Variants in LMNB1 observed in about 807,000 individuals in gnomAD.
LMNB1 encodes lamin B1, also known as lamin-B1.
LMNB1 carries 23 observed loss-of-function variants against 67.1 expected under a neutral mutation model. The ratio of observed to expected loss-of-function variants is 0.34; its 90% confidence interval spans 0.25 to 0.49. The LOEUF (loss-of-function observed/expected upper bound fraction) is 0.49. Among genes scored for constraint, LMNB1 ranks in the 20% least tolerant of loss-of-function variants. The pLI is 0.99. For synonymous variants in LMNB1, 281 were observed against 282.9 expected (o/e 0.99, Z 0.07); for missense variants, 634 against 746.5 (o/e 0.85, Z 1.76).
intron 3 of LMNB1, among the ~76,000 whole-genome samples, chr5:126,807,446 A>G (rs776410523): frequency 1.3e-5 from 2 of 152,248 alleles, no homozygotes; most frequent in Non-Finnish European, 2.9e-5. Context: ...GACCTTGGAC[A>G]ACTCTTAGTG....
rs1265880552 is a variant in LMNB1, at chr5:126,822,818, T to C, written c.1424T>C (p.Ile475Thr). ...PMGGWEMIRK[I>T]GDTSVSYKYT... ...GGAGGCTGGGAGATGATCAGAAAAATTGGAGACACATCAGTCAGTTATAAA... is the reference window on the plus strand; with the variant it reads ...GGAGGCTGGGAGATGATCAGAAAAACTGGAGACACATCAGTCAGTTATAAA... Residue 475 changes from isoleucine (I) to threonine (T), a missense_variant, in exon 8 of 11, where the codon ATT becomes ACT. Coordinates refer to ENST00000261366, the MANE Select transcript of LMNB1 (RefSeq NM_005573.4). The C allele has an allele frequency of 1.2e-6, 2 of 1,613,230 alleles. No homozygotes were observed. The highest frequency in any genetic ancestry group is 1.7e-6 in the Non-Finnish European group (2 of 1,179,266).
chr5:126,795,933 C>CTTTTTTTTTTTTTTTTT lies in LMNB1; in HGVS notation c.360-8827_360-8826insTTTTTTTTTTTTTTTTT, dbSNP rs70997314. ...GAGCCACTGCGCCTGGCCCAGGATG[C>CTTTTTTTTTTTTTTTTT]TTTTTTTTTTTTTTTTGAGACGGAG... On this transcript the variant is annotated intron_variant, in intron 1 of 10. Coordinates refer to ENST00000261366, the MANE Select transcript of LMNB1 (RefSeq NM_005573.4). 4.9e-4 allele frequency among the ~76,000 whole-genome samples: 40 copies of CTTTTTTTTTTTTTTTTT among 82,088 alleles called. 5 individuals are homozygous for CTTTTTTTTTTTTTTTTT. Among genetic ancestry groups the CTTTTTTTTTTTTTTTTT allele is most frequent in the African/African-American group, 1.7e-3 (38 of 22,162 alleles). 53.9% of individuals were successfully genotyped at this position (82,088 alleles called of 152,430 possible).
chr5:126,779,724 C>A (rs1750574175), intron 1 of LMNB1, among the ~76,000 whole-genome samples: 1 of 151,856 alleles, frequency 6.6e-6, no homozygotes, highest in Non-Finnish European at 1.5e-5. Context: ...ATGGTGAAAC[C>A]CCGTCTCTAC....
chr5:126,796,786 CTTTTTTTTT>C (rs34534973), intron 1 of LMNB1, among the ~76,000 whole-genome samples: 7 of 118,748 alleles, frequency 5.9e-5, no homozygotes, highest in Admixed American at 9.1e-5. Flanking sequence ...TTTTTTCTTT[CTTTTTTTTT>C]TTTTTTTTTT....
At chr5:126,777,094 G>C (rs1473179544), upstream of LMNB1, 5 of 156,806 alleles carry the variant, frequency 3.2e-5, no homozygotes, top group East Asian at 1.9e-4. Flanking sequence ...CCCGCGGCTT[G>C]CCTCCAGCCC....
intron 1 of LMNB1, among the ~76,000 whole-genome samples, chr5:126,798,523 C>T (rs1423998689): frequency 6.6e-6 from 1 of 152,084 alleles, no homozygotes; most frequent in East Asian, 1.9e-4. Flanking sequence ...ATGGGTGTAA[C>T]CTTAAGAATT....
intron 1 of LMNB1, among the ~76,000 whole-genome samples, chr5:126,801,784 C>T (rs1261562272): frequency 2.6e-5 from 4 of 152,198 alleles, no homozygotes; most frequent in Admixed American, 2.0e-4. Context: ...ATTCTCCTGC[C>T]ATGAGGCAGG....
chr5:126,794,563 C>A (rs562867968), intron 1 of LMNB1, among the ~76,000 whole-genome samples: 1 of 152,186 alleles, frequency 6.6e-6, no homozygotes, highest in South Asian at 2.1e-4. Flanking sequence ...GTGAAGAGAT[C>A]CCCAGACACG....
Position 126,777,751 on chromosome 5 carries a change from C to T in LMNB1, c.243C>T (p.Leu81=). The change falls in exon 1 of 11, where the codon CTC becomes CTT. Residue 81 remains leucine (L), a synonymous_variant. Coordinates refer to ENST00000261366, the MANE Select transcript of LMNB1 (RefSeq NM_005573.4). ...GTGAGCTCACCGGCCTCAAGGCGCTCTACGAGACCGAGCTGGCCGACGCGC... is the reference window on the plus strand; with the variant it reads ...GTGAGCTCACCGGCCTCAAGGCGCTTTACGAGACCGAGCTGGCCGACGCGC... The part of the protein sequence containing the change: ...RGRELTGLKA[L]YETELADARR... The T allele has an allele frequency of 1.3e-6, 2 of 1,532,622 alleles. No individual in the cohort carries two copies. The highest frequency in any genetic ancestry group is 1.4e-5 in the African/African-American group (1 of 71,152). 94.9% of individuals were successfully genotyped at this position (1,532,622 alleles called of 1,614,324 possible).
At chr5:126,784,014 ATTTTTTTTTTTTTT>A (rs61578729) in intron 1 of LMNB1, among the ~76,000 whole-genome samples, 11 of 59,446 alleles carry the variant, frequency 1.9e-4, no homozygotes, top group East Asian at 1.1e-3. Flanking sequence ...CTGTCATTTG[ATTTTTTTTTTTTTT>A]TTTTTTTTTT....
At chr5:126,801,694 C>G (rs987612797) in intron 1 of LMNB1, among the ~76,000 whole-genome samples, 3 of 152,230 alleles carry the variant, frequency 2.0e-5, no homozygotes, top group Non-Finnish European at 2.9e-5. Context: ...TTGTTCCATA[C>G]AATAACTTGT....
At chr5:126,799,420 G>A (rs551539312) in intron 1 of LMNB1, among the ~76,000 whole-genome samples, 5 of 152,344 alleles carry the variant, frequency 3.3e-5, no homozygotes, top group African/African-American at 1.2e-4. Context: ...ACAAGGTAAG[G>A]ACAGCTGTAA....
chr5:126,833,621 AAC>A (rs1752183806), intron 10 of LMNB1, among the ~76,000 whole-genome samples: 1 of 152,234 alleles, frequency 6.6e-6, no homozygotes, highest in South Asian at 2.1e-4. Context: ...AATATTTTAA[AAC>A]ACATATGTTA....
intron 5 of LMNB1, among the ~76,000 whole-genome samples, chr5:126,817,817 T>A (rs1484521769): frequency 6.6e-6 from 1 of 152,230 alleles, no homozygotes; most frequent in Non-Finnish European, 1.5e-5. Context: ...CTTTCTCTCC[T>A]GCTCTGTTGC....
At chr5:126,790,933 A>G (rs954161346) in intron 1 of LMNB1, among the ~76,000 whole-genome samples, 3 of 152,054 alleles carry the variant, frequency 2.0e-5, no homozygotes, top group African/African-American at 7.2e-5. Flanking sequence ...AGGCAAGGGA[A>G]TTGCTTGAAC....
chr5:126,777,586 C>A lies in LMNB1; in HGVS notation c.78C>A (p.Arg26=). 6.5e-7 allele frequency: 1 copy of A among 1,528,298 alleles called. No individual in the cohort carries two copies. The highest frequency in any genetic ancestry group is 8.8e-7 in the Non-Finnish European group (1 of 1,137,838). 94.7% of individuals were successfully genotyped at this position (1,528,298 alleles called of 1,614,324 possible). The change falls in exon 1 of 11, where the codon CGC becomes CGA. Residue 26 remains arginine, a synonymous_variant. Transcript: ENST00000261366. ...GGPTTPLSPT[R]LSRLQEKEEL... ...CCACCACGCCGCTGAGCCCCACGCG[C>A]CTGTCGCGGCTCCAGGAGAAGGAGG...
chr5:126,809,075 A>T (rs1224775377), intron 3 of LMNB1, among the ~76,000 whole-genome samples: 2 of 152,130 alleles, frequency 1.3e-5, no homozygotes, highest in African/African-American at 2.4e-5. Flanking sequence ...GGGTTTTACC[A>T]TATTGGCCAG....
intron 1 of LMNB1, among the ~76,000 whole-genome samples, chr5:126,799,381 A>G (rs760393797): frequency 1.3e-5 from 2 of 152,244 alleles, no homozygotes; most frequent in Non-Finnish European, 2.9e-5. Flanking sequence ...ATGAACACAG[A>G]ACAATTTGTT....
intron 7 of LMNB1, among the ~76,000 whole-genome samples, chr5:126,822,554 C>G (rs1751894374): frequency 6.6e-6 from 1 of 152,234 alleles, no homozygotes; most frequent in Non-Finnish European, 1.5e-5. Flanking sequence ...TCTTCCAGTT[C>G]TGTCCTCTTT....
Sources: allele counts gnomAD v4.1 joint callset (sites outside exome capture counted in the v4.1 genomes callset), GRCh38; gene constraint gnomAD v4.1.1; transcripts MANE v1.5; gene names NCBI Gene and HGNC (gene_info 2026-07-23, HGNC 2026-07-21).